LIPK: variants seen among roughly 807,000 people sequenced by gnomAD.
LIPK encodes lipase member K.
Under a neutral mutation model 48.6 loss-of-function variants are expected in LIPK, and 32 were observed. That is an observed-to-expected ratio of 0.66 (90% CI 0.50 to 0.88). LIPK has a LOEUF of 0.88. Ranked by LOEUF, LIPK falls within the 40% of genes least tolerant of loss-of-function variation. The pLI, the probability that LIPK is intolerant of heterozygous loss-of-function variation, is 0.00. For synonymous variants in LIPK, 164 were observed against 157.4 expected (o/e 1.04, Z -0.32); for missense variants, 507 against 478.5 (o/e 1.06, Z -0.56).
At chr10:88,719,802 C>T (rs1564975815) in intron 1 of LIPK, among the ~76,000 whole-genome samples, 1 of 152,094 alleles carries the variant, frequency 6.6e-6, no homozygotes, top group Non-Finnish European at 1.5e-5. Context: ...CTGATAGTTC[C>T]TATTATTGGG....
chr10:88,723,957 T>C (rs372589), intron 1 of LIPK, among the ~76,000 whole-genome samples: 118,138 of 152,038 alleles, frequency 0.78, 46,895 homozygotes, highest in East Asian at 1. Context: ...TCTCTTACTT[T>C]GGGAAATTTT....
chr10:88,717,017 C>T (rs755971541), intron 1 of LIPK, among the ~76,000 whole-genome samples: 13 of 152,056 alleles, frequency 8.5e-5, no homozygotes, highest in Non-Finnish European at 1.9e-4. Flanking sequence ...GAGACCAGTG[C>T]ATGTAGCTAG....
intron 1 of LIPK, among the ~76,000 whole-genome samples, chr10:88,708,899 C>T (rs905452036): frequency 1.3e-5 from 2 of 152,028 alleles, no homozygotes; most frequent in African/African-American, 4.8e-5. Context: ...TACATTAAAA[C>T]TTAAATTGTT....
intron 6 of LIPK, among the ~76,000 whole-genome samples, chr10:88,732,994 A>C (rs751730866): frequency 6.6e-6 from 1 of 152,226 alleles, no homozygotes; most frequent in Non-Finnish European, 1.5e-5. Flanking sequence ...TTCATCTGTA[A>C]TGTGGGGATA....
intron 7 of LIPK, among the ~76,000 whole-genome samples, chr10:88,738,110 A>T (rs556534652): frequency 1.3e-5 from 2 of 152,328 alleles, no homozygotes; most frequent in African/African-American, 4.8e-5. Context: ...GTGAGTCCAG[A>T]CATTTGCATT....
chr10:88,731,281 A>G lies in LIPK; in HGVS notation c.422+100A>G, dbSNP rs188517920. 5.0e-4 allele frequency: 483 copies of G among 969,216 alleles called. 2 individuals are homozygous for G. The African/African-American group carries it at 6.8e-3, about 14-fold the overall frequency. 60.0% of individuals were successfully genotyped at this position (969,216 alleles called of 1,614,324 possible). On this transcript the variant is annotated intron_variant, in intron 4 of 9. Transcript: ENST00000404190. The stretch of plus-strand genomic sequence containing the variant: ...CCTGTTTTGTGTCCAAATGCACCCA[A>G]TGGAATCCACAAGAAGGAAACAAAC...
rs970158672 is a variant in LIPK at position 88,726,788 on chromosome 10, T to C, written c.106-7T>C. On this transcript the variant is annotated splice_polypyrimidine_tract_variant and splice_region_variant and intron_variant, in intron 2 of 9. Coordinates refer to ENST00000404190, the MANE Select transcript of LIPK (RefSeq NM_001080518.2). ...ATGAAGGTATATATTTCCTTTCCTC[T>C]TTTTAGAGCCAGATTATTTCTTACT... The C allele has an allele frequency of 1.1e-5, 16 of 1,417,312 alleles. No homozygotes were observed. The African/African-American group carries it at 1.4e-4, about 12-fold the overall frequency. 87.8% of individuals were successfully genotyped at this position (1,417,312 alleles called of 1,614,324 possible). A position where few individuals can be genotyped will look rare whatever the true frequency, so the allele number is the denominator to read the frequency against.
chr10:88,721,151 T>G (rs1028883974), intron 1 of LIPK, among the ~76,000 whole-genome samples: 1 of 128,548 alleles, frequency 7.8e-6, no homozygotes, highest in African/African-American at 3.0e-5. Context: ...TAAGGATATA[T>G]GAAACAGGAT....
chr10:88,726,408 C>G (rs112094547), intron 2 of LIPK, among the ~76,000 whole-genome samples: 2 of 152,154 alleles, frequency 1.3e-5, no homozygotes. Flanking sequence ...ACATTGTGGC[C>G]AGGCAGGGAG....
chr10:88,714,958 G>T (rs973442956), intron 1 of LIPK, among the ~76,000 whole-genome samples: 1 of 151,618 alleles, frequency 6.6e-6, no homozygotes, highest in Non-Finnish European at 1.5e-5. Context: ...TCAGATAATT[G>T]ATTATAAACT....
chr10:88,743,458 G>A, intron 9 of LIPK, 137 bp downstream of exon 9: 2 of 591,956 alleles, frequency 3.4e-6, no homozygotes, highest in Admixed American at 2.7e-5. Context: ...CTGCTTATTG[G>A]GTTCTTGCCA....
intron 1 of LIPK, among the ~76,000 whole-genome samples, chr10:88,712,472 A>G (rs1431899987): frequency 6.6e-6 from 1 of 152,190 alleles, no homozygotes; most frequent in Non-Finnish European, 1.5e-5. Flanking sequence ...TGGACCTAAC[A>G]TTTACCTGTT....
chr10:88,714,437 A>G (rs1842079397), intron 1 of LIPK, among the ~76,000 whole-genome samples: 1 of 152,204 alleles, frequency 6.6e-6, no homozygotes, highest in Non-Finnish European at 1.5e-5. Context: ...CTTCAGTGTT[A>G]TAACTCTGTA....
chr10:88,739,322 G>C (rs188166638), intron 7 of LIPK, among the ~76,000 whole-genome samples: 2 of 152,296 alleles, frequency 1.3e-5, no homozygotes, highest in African/African-American at 2.4e-5. Flanking sequence ...CTTAACACGG[G>C]GTGAAGGAGA....
chr10:88,723,288 GC>G (rs1367612157), intron 1 of LIPK, among the ~76,000 whole-genome samples: 3 of 152,026 alleles, frequency 2.0e-5, no homozygotes, highest in Non-Finnish European at 4.4e-5. Flanking sequence ...AGTTATAAGA[GC>G]AGTTATGACA....
At position 88,732,951 on chromosome 10, in the gene LIPK, G is replaced by C. The variant is rs148771964; in HGVS notation, c.669+400G>C. Among the ~76,000 whole-genome samples the C allele has an allele frequency of 6.1e-3, 928 of 152,286 alleles. 9 individuals carry two copies. Among genetic ancestry groups the C allele is most frequent in the Non-Finnish European group, 7.0e-3 (477 of 68,010 alleles). ...TGAATGTTATTTCTATGATTTGCAA[G>C]CTGGGTAAATTTGGTCAAGACCTTA... On this transcript the variant is annotated intron_variant, in intron 6 of 9. Transcript: ENST00000404190.
intron 4 of LIPK, among the ~76,000 whole-genome samples, chr10:88,731,812 C>G (rs760604441): frequency 1.3e-5 from 2 of 152,242 alleles, no homozygotes; most frequent in Non-Finnish European, 2.9e-5. Flanking sequence ...TTCAGTCAGT[C>G]TGGGCTGAGG....
intron 6 of LIPK, among the ~76,000 whole-genome samples, chr10:88,735,811 G>C (rs1458573319): frequency 6.6e-6 from 1 of 152,146 alleles, no homozygotes; most frequent in African/African-American, 2.4e-5. Flanking sequence ...TCTGTATATG[G>C]GTGCTATACT....
Position 88,737,796 on chromosome 10 carries a change from T to C in LIPK, c.816+15T>C, listed in dbSNP as rs749537263. Reference sequence around the variant, plus strand: ...ACTTAAATATGGTAGGTGTAAGTAATTGGGTCTGGGAAAACATTTGTTTTG... The same window carrying C: ...ACTTAAATATGGTAGGTGTAAGTAACTGGGTCTGGGAAAACATTTGTTTTG... On this transcript the variant is annotated intron_variant, in intron 7 of 9. Transcript: ENST00000404190. 4 of 1,612,648 alleles carry C rather than the reference T, an allele frequency of 2.5e-6. No homozygotes were observed. The East Asian group carries it at 6.7e-5, about 27-fold the overall frequency.
Sources: allele counts gnomAD v4.1 joint callset (sites outside exome capture counted in the v4.1 genomes callset), GRCh38; gene constraint gnomAD v4.1.1; transcripts MANE v1.5; gene names NCBI Gene and HGNC (gene_info 2026-07-23, HGNC 2026-07-21).